The following AZIN2 variants were observed in gnomAD, a reference collection of about 807,000 sequenced individuals.
The protein encoded by AZIN2 is ODC antizyme inhibitor-2.
In AZIN2, 28 loss-of-function variants were observed where a neutral mutation model predicts 47.8. That is an observed-to-expected ratio of 0.59 (90% CI 0.43 to 0.80). AZIN2 has a LOEUF of 0.80. Ranked by LOEUF, AZIN2 falls within the 30% of genes least tolerant of loss-of-function variation. The pLI is 0.00. For missense variants in AZIN2, 535 were observed against 582.5 expected, an observed-to-expected ratio of 0.92 and a Z score of 0.84; for synonymous variants, 221 against 239.4, an observed-to-expected ratio of 0.92 and a Z score of 0.71.
the AZIN2 span, among the ~76,000 whole-genome samples, chr1:33,158,914 C>T: frequency 1.1e-4 from 16 of 151,842 alleles, no homozygotes; most frequent in Non-Finnish European, 2.1e-4. Context: ...GATCTCAGCT[C>T]ACTGCAACCT....
chr1:33,147,434 T>C, the AZIN2 span: 1 of 1,614,082 alleles, frequency 6.2e-7, no homozygotes, highest in South Asian at 1.1e-5. This position sits in a 1 kb window ranked among gnomAD's most constrained non-coding sequence, Gnocchi z 8.1. Context: ...CCATCGTGCA[T>C]CACGATGCAG....
chr1:33,165,682 C>G, the AZIN2 span: 2 of 814,654 alleles, frequency 2.5e-6, no homozygotes, highest in East Asian at 3.1e-5. The surrounding 1 kb of genome is among the most constrained non-coding windows in gnomAD (Gnocchi z 4.0). Flanking sequence ...ACCTCCAACA[C>G]TTGCCTCCCG....
chr1:33,131,114 A>G, the AZIN2 span, among the ~76,000 whole-genome samples: 3 of 152,240 alleles, frequency 2.0e-5, no homozygotes, highest in African/African-American at 4.8e-5. Context: ...GAAAACAGCC[A>G]CTGTGAGCTG....
At chr1:33,154,714 C>G in the AZIN2 span, among the ~76,000 whole-genome samples, 2 of 151,604 alleles carry the variant, frequency 1.3e-5, no homozygotes. Context: ...AGGAAAATCG[C>G]CTGAACCCAG....
At chr1:33,105,379 G>C (rs569468708) in intron 10 of AZIN2, among the ~76,000 whole-genome samples, 2 of 152,046 alleles carry the variant, frequency 1.3e-5, no homozygotes, top group Non-Finnish European at 2.9e-5. Context: ...TACATATTTA[G>C]TGTGTGTATT....
rs1644217868 is a variant in AZIN2 at position 33,110,045 on chromosome 1, C to G, written c.1030-7857C>G. 3.3e-5 allele frequency among the ~76,000 whole-genome samples: 5 copies of G among 152,068 alleles called. No homozygotes were observed. The Middle Eastern group carries it at 0.01, about 310-fold the overall frequency. ...GATGCCCTTACATAGAGCTGAGAAC[C>G]CAAAAGAAGTACATCCTTAGTGTAA... On this transcript the variant is annotated intron_variant, in intron 10 of 11. Coordinates refer to ENST00000294517, the MANE Select transcript of AZIN2 (RefSeq NM_052998.4).
the AZIN2 span, among the ~76,000 whole-genome samples, chr1:33,154,076 G>C: frequency 6.6e-6 from 1 of 152,246 alleles, no homozygotes; most frequent in Non-Finnish European, 1.5e-5. Context: ...GGATTGTGTA[G>C]AGGGCTGCAG....
chr1:33,158,215 C>T, the AZIN2 span: 2 of 1,578,672 alleles, frequency 1.3e-6, no homozygotes, highest in South Asian at 1.1e-5. Context: ...CTGGGACATG[C>T]CCCACCTAGC....
At chr1:33,114,588 C>T (rs1343663648) in intron 10 of AZIN2, among the ~76,000 whole-genome samples, 2 of 150,182 alleles carry the variant, frequency 1.3e-5, no homozygotes, top group Non-Finnish European at 3.0e-5. Context: ...TTCCTGACCT[C>T]GTGATCCACC....
chr1:33,135,397 A>G, the AZIN2 span, among the ~76,000 whole-genome samples: 2 of 152,152 alleles, frequency 1.3e-5, no homozygotes, highest in Admixed American at 6.5e-5. Flanking sequence ...AACACTTACC[A>G]TGAGCCAGAC....
chr1:33,161,137 G>C, the AZIN2 span, among the ~76,000 whole-genome samples: 2 of 152,204 alleles, frequency 1.3e-5, no homozygotes, highest in Non-Finnish European at 1.5e-5. The surrounding 1 kb of genome is among the most constrained non-coding windows in gnomAD (Gnocchi z 4.3). Context: ...AAATGAGGGG[G>C]TGTTGTTGTG....
intron 5 of AZIN2, among the ~76,000 whole-genome samples, chr1:33,086,165 G>A (rs746671459): frequency 4.6e-5 from 7 of 152,140 alleles, no homozygotes; most frequent in Non-Finnish European, 1.0e-4. Flanking sequence ...TTTGCCAAGT[G>A]TTTTCTGTAC....
At chr1:33,126,238 G>T (rs1644855653), downstream of AZIN2, among the ~76,000 whole-genome samples, 1 of 152,126 alleles carries the variant, frequency 6.6e-6, no homozygotes, top group Non-Finnish European at 1.5e-5. Flanking sequence ...AATCTTTCAG[G>T]CCTCAGCTTG....
the AZIN2 span, among the ~76,000 whole-genome samples, chr1:33,129,990 G>C: frequency 6.6e-6 from 1 of 152,278 alleles, no homozygotes; most frequent in East Asian, 1.9e-4. This position sits in a 1 kb window ranked among gnomAD's most constrained non-coding sequence, Gnocchi z 4.1. Flanking sequence ...CTCCCGAGTA[G>C]TTGGGATTAC....
chr1:33,147,098 G>A, the AZIN2 span: 3 of 1,519,464 alleles, frequency 2.0e-6, no homozygotes, highest in Admixed American at 1.8e-5. The surrounding 1 kb of genome is among the most constrained non-coding windows in gnomAD (Gnocchi z 8.1). Context: ...GTGGGCTGGA[G>A]TCCAGGTCTT....
At position 33,084,145 on chromosome 1, in the gene AZIN2, G is replaced by A. The variant is rs1276701225; in HGVS notation, c.279+18G>A. ...CCAACAAGGTGAGCCCTGCCCGCAC[G>A]GTGCACTGACCCTCCATGCCCACTG... On this transcript the variant is annotated intron_variant, in intron 5 of 11. Coordinates refer to ENST00000294517, the MANE Select transcript of AZIN2 (RefSeq NM_052998.4). The A allele has an allele frequency of 2.2e-5, 36 of 1,605,082 alleles. No individual in the cohort carries two copies. The highest frequency in any genetic ancestry group is 2.2e-4 in the Middle Eastern group (1 of 4,648).
At position 33,082,360 on chromosome 1, in the gene AZIN2, G is replaced by T. The variant is rs1641367256; in HGVS notation, c.105+6G>T. 4 of 1,611,608 alleles carry T rather than the reference G, an allele frequency of 2.5e-6. No homozygotes were observed. Among genetic ancestry groups the T allele is most frequent in the Non-Finnish European group, 2.5e-6 (3 of 1,178,762 alleles). On this transcript the variant is annotated splice_donor_region_variant and intron_variant, in intron 4 of 11. Coordinates refer to ENST00000294517, the MANE Select transcript of AZIN2 (RefSeq NM_052998.4). ...GGGCCTCACAGGCCACCACGGTGAG[G>T]GGCTGGGAATGGGGGTGGGTCCCCG...
chr1:33,088,938 C>T (rs1642232842), intron 5 of AZIN2, among the ~76,000 whole-genome samples: 1 of 152,176 alleles, frequency 6.6e-6, no homozygotes, highest in Non-Finnish European at 1.5e-5. Context: ...CCTATCTTTC[C>T]CACCAACCTG....
chr1:33,108,782 T>C (rs1644147208), intron 10 of AZIN2, among the ~76,000 whole-genome samples: 1 of 152,266 alleles, frequency 6.6e-6, no homozygotes. Context: ...CTGAAGGACA[T>C]CTTGGTTGCT....
Sources: allele counts gnomAD v4.1 joint callset (sites outside exome capture counted in the v4.1 genomes callset), GRCh38; gene constraint gnomAD v4.1.1; non-coding constraint Gnocchi (gnomAD v3.1); transcripts MANE v1.5; gene names NCBI Gene and HGNC (gene_info 2026-07-23, HGNC 2026-07-21).